The following SYTL2 variants were observed in gnomAD, a reference collection of about 807,000 sequenced individuals.
SYTL2 encodes synaptotagmin-like protein 2.
Under a neutral mutation model 198.7 loss-of-function variants are expected in SYTL2, and 165 were observed. The ratio of observed to expected loss-of-function variants is 0.83; its 90% CI spans 0.73 to 0.94. The LOEUF (loss-of-function observed/expected upper bound fraction) is 0.94, where lower values mean the gene tolerates loss of function less well. Ranked by LOEUF, SYTL2 falls within the 40% of genes least tolerant of loss-of-function variation. The pLI, the probability that SYTL2 is intolerant of heterozygous loss-of-function variation, is 0.00. For missense variants in SYTL2, 2,835 were observed against 2,582.8 expected, an observed-to-expected ratio of 1.10 and a Z score of -2.12; for synonymous variants, 966 against 917.7, an observed-to-expected ratio of 1.05 and a Z score of -0.95.
At chr11:85,752,622 G>T (rs994876988) in intron 2 of SYTL2, among the ~76,000 whole-genome samples, 2 of 152,032 alleles carry the variant, frequency 1.3e-5, no homozygotes, top group African/African-American at 4.8e-5. Flanking sequence ...CCTTTTACAT[G>T]ACACATCGTA....
the SYTL2 span, among the ~76,000 whole-genome samples, chr11:85,843,525 T>C: frequency 6.6e-6 from 1 of 152,030 alleles, no homozygotes; most frequent in Admixed American, 6.6e-5. Flanking sequence ...GTTTGGGGCA[T>C]GGTGCGACTG....
At chr11:85,736,474 A>T in intron 6 of SYTL2, 27 bp downstream of exon 6, 2 of 1,242,612 alleles carry the variant, frequency 1.6e-6, no homozygotes, top group Non-Finnish European at 2.3e-6. Context: ...AAGATAAAAA[A>T]ATCAAGTTCA....
At chr11:85,729,996 A>C (rs1307372942) in intron 7 of SYTL2, among the ~76,000 whole-genome samples, 1 of 152,236 alleles carries the variant, frequency 6.6e-6, no homozygotes, top group Non-Finnish European at 1.5e-5. Flanking sequence ...AATCTAGAAG[A>C]AATGGATAAA....
At chr11:85,836,790 G>C in the SYTL2 span, among the ~76,000 whole-genome samples, 2 of 151,972 alleles carry the variant, frequency 1.3e-5, no homozygotes, top group Non-Finnish European at 2.9e-5. Flanking sequence ...TGCCTCCAAA[G>C]TCATAATGTG....
rs2088885783 is a variant in SYTL2, at chr11:85,724,761, C to A, written c.4597G>T (p.Glu1533Ter). 1 of 1,612,860 alleles carries A rather than the reference C, an allele frequency of 6.2e-7. No individual in the cohort carries two copies. The highest frequency in any genetic ancestry group is 1.3e-5 in the African/African-American group (1 of 74,738). The change falls in exon 8 of 20, where the codon GAG becomes TAG. Residue 1533 changes from glutamate (E) to a stop codon, truncating the protein, a stop_gained. Transcript: ENST00000359152. LOFTEE classifies it high-confidence loss of function. ...TCAGAAGTGGCTCGCCTGGGCTCCTCTGTACTACCTATTAACTTTGATGGA... is the reference window on the plus strand; with the variant it reads ...TCAGAAGTGGCTCGCCTGGGCTCCTATGTACTACCTATTAACTTTGATGGA... ...LSPSKLIGST[E>*]EPRRATSECH...
At chr11:85,719,068 C>G (rs1039822250) in intron 9 of SYTL2, 19 of 1,509,106 alleles carry the variant, frequency 1.3e-5, no homozygotes, top group Non-Finnish European at 1.6e-5. Context: ...CACATCACTG[C>G]TGCACACAGA....
chr11:85,728,730 G>A (rs1460016595), intron 7 of SYTL2, among the ~76,000 whole-genome samples: 1 of 152,114 alleles, frequency 6.6e-6, no homozygotes, highest in Non-Finnish European at 1.5e-5. Flanking sequence ...TTAAACCCAG[G>A]TTTGAGAAGC....
At chr11:85,702,173 T>A (rs1028766858) in intron 16 of SYTL2, among the ~76,000 whole-genome samples, 6 of 150,292 alleles carry the variant, frequency 4.0e-5, no homozygotes, top group Non-Finnish European at 5.9e-5. Context: ...GGAATAGGGC[T>A]CAGAATCTAG....
rs1449793249 is a variant in SYTL2 at position 85,736,580 on chromosome 11, T to G, written c.507A>C (p.Pro169=). Residue 169 remains proline, a synonymous_variant, in exon 6 of 20, where the codon CCA becomes CCC. Coordinates refer to ENST00000359152, the MANE Select transcript of SYTL2 (RefSeq NM_206927.4). ...TAGTTTGTTGTGATGAGTGACCTTC[T>G]GGCAACTTGGAGCTATTAAACGGAT... The part of the protein sequence containing the change: ...RKNPFNSSKL[P]EGHSSQQTKN... 6.2e-7 allele frequency: 1 copy of G among 1,605,180 alleles called. No homozygotes were observed.
chr11:85,717,603 C>T, intron 10 of SYTL2, 73 bp from the exon 11 acceptor site: 1 of 1,285,450 alleles, frequency 7.8e-7, no homozygotes, highest in Non-Finnish European at 1.1e-6. Flanking sequence ...AAGTAAAGCT[C>T]AAATGTCAGT....
chr11:85,748,558 C>T (rs976701456), intron 2 of SYTL2, 135 bp from the exon 3 acceptor site: 6 of 923,554 alleles, frequency 6.5e-6, no homozygotes, highest in Non-Finnish European at 9.5e-6. Context: ...CCAGAAACTT[C>T]CCAGATGACT....
chr11:85,802,133 C>T (rs1475165237), intron 1 of SYTL2, among the ~76,000 whole-genome samples: 1 of 151,650 alleles, frequency 6.6e-6, no homozygotes, highest in East Asian at 1.9e-4. Flanking sequence ...TCCTGGTATC[C>T]CTTCTCTCCC....
the SYTL2 span, among the ~76,000 whole-genome samples, chr11:85,850,252 C>T: frequency 1.2e-4 from 18 of 151,414 alleles, no homozygotes; most frequent in African/African-American, 4.1e-4. Context: ...ATTTGACTTC[C>T]TCTTTTCCTA....
chr11:85,778,652 G>A (rs1376003157), intron 1 of SYTL2, among the ~76,000 whole-genome samples: 1 of 152,218 alleles, frequency 6.6e-6, no homozygotes, highest in South Asian at 2.1e-4. Context: ...TAGTGAAGAG[G>A]AGTAGCATAG....
At chr11:85,832,571 GAGA>G in the SYTL2 span, among the ~76,000 whole-genome samples, 2 of 152,134 alleles carry the variant, frequency 1.3e-5, no homozygotes, top group African/African-American at 4.8e-5. Context: ...TGAATGCTAT[GAGA>G]AGAAGTACAA....
chr11:85,775,611 C>A (rs185077413), intron 1 of SYTL2, among the ~76,000 whole-genome samples: 199 of 152,258 alleles, frequency 1.3e-3, no homozygotes, highest in Middle Eastern at 3.4e-3. Context: ...GCGTCCAGAG[C>A]AGCTGGAATT....
intron 1 of SYTL2, among the ~76,000 whole-genome samples, chr11:85,778,768 C>T (rs79363624): frequency 0.081 from 12,264 of 152,218 alleles, 718 homozygotes; most frequent in African/African-American, 0.16. Flanking sequence ...CTTAAGCTCA[C>T]AAGTTTGAGA....
chr11:85,719,112 C>G, intron 9 of SYTL2: 1 of 1,469,542 alleles, frequency 6.8e-7, no homozygotes. Context: ...TCAGAGCAAG[C>G]AATCGGCCAG....
chr11:85,776,137 G>C (rs921453422), intron 1 of SYTL2, among the ~76,000 whole-genome samples: 2 of 152,166 alleles, frequency 1.3e-5, no homozygotes, highest in African/African-American at 2.4e-5. Flanking sequence ...CTCTTGCCAA[G>C]TGATCTCTGC....
Sources: gnomAD v4.1 joint callset for allele counts (sites outside exome capture counted in the v4.1 genomes callset) on GRCh38, gnomAD v4.1.1 for gene constraint, MANE v1.5 for transcripts, NCBI Gene and HGNC (gene_info 2026-07-23, HGNC 2026-07-21) for gene names.